The following CCDC88B variants were observed in gnomAD, a reference collection of about 807,000 sequenced individuals.
CCDC88B encodes coiled-coil and HOOK domain protein 88B, also known as coiled-coil domain-containing protein 88B.
In CCDC88B, 138 loss-of-function variants were observed where a neutral mutation model predicts 183.7. That is an observed-to-expected ratio of 0.75 (90% CI 0.65 to 0.87). The LOEUF is 0.87. Ranked by LOEUF, CCDC88B falls within the 40% of genes least tolerant of loss-of-function variation. The probability of loss-of-function intolerance (pLI) is 0.00; values close to 1 mark genes in which losing one functional copy is unlikely to be tolerated. For synonymous variants in CCDC88B, 835 were observed against 867.5 expected (o/e 0.96, Z 0.66); for missense variants, 1,822 against 1,965.6 (o/e 0.93, Z 1.38).
In CCDC88B at chr11:64,353,208, C is replaced by T; in HGVS notation, c.3655C>T (p.Leu1219=). 6.4e-7 allele frequency: 1 copy of T among 1,571,114 alleles called. No individual in the cohort carries two copies. The change falls in exon 21 of 27, where the codon CTG becomes TTG. Residue 1219 remains leucine, a synonymous_variant. Coordinates refer to ENST00000356786, the MANE Select transcript of CCDC88B (RefSeq NM_032251.6). ...GCGCGAGTCCAACCAGCAGCTGGACCTGAGCGCCTGCCGGCTGACCACGCA... is the reference window on the plus strand; with the variant it reads ...GCGCGAGTCCAACCAGCAGCTGGACTTGAGCGCCTGCCGGCTGACCACGCA... ...QLRESNQQLD[L]SACRLTTQCE... is the part of the protein sequence containing the mutation.
In CCDC88B at chr11:64,341,301, T is replaced by C. The variant is rs1474418842; in HGVS notation, c.420T>C (p.Leu140=). 6.2e-7 allele frequency: 1 copy of C among 1,614,100 alleles called. No homozygotes were observed. Among genetic ancestry groups the C allele is most frequent in the South Asian group, 1.1e-5 (1 of 91,072 alleles). Residue 140 remains leucine (L), a synonymous_variant, in exon 5 of 27, where the codon CTT becomes CTC. Transcript: ENST00000356786. The part of the protein sequence containing the change: ...EEAVEQLEGV[L]RLLLGASVQC... The stretch of plus-strand genomic sequence containing the variant: ...CGGTGGAGCAGCTGGAAGGCGTTCT[T>C]CGGCTACTGTTGGGAGCGTCAGTAC...
Position 64,341,030 on chromosome 11 carries a change from C to T in CCDC88B, c.318+12C>T, listed in dbSNP as rs201226302. On this transcript the variant is annotated intron_variant, in intron 3 of 26. Transcript: ENST00000356786. The stretch of plus-strand genomic sequence containing the variant: ...GGGACTTCTACCAGGTAAGGGGTCT[C>T]GAGGGAAAGGCGGAGACAGGAGGGG... The T allele has an allele frequency of 1.1e-5, 17 of 1,612,074 alleles. No homozygotes were observed. The highest frequency in any genetic ancestry group is 3.3e-5 in the Admixed American group (2 of 59,872).
rs1177699718 is a variant in CCDC88B, at chr11:64,345,147, C to A, written c.2606C>A (p.Ala869Asp). Residue 869 changes from alanine (A) to aspartate (D), a missense_variant, in exon 14 of 27, where the codon GCC becomes GAC. Coordinates refer to ENST00000356786, the MANE Select transcript of CCDC88B (RefSeq NM_032251.6). ...EAERERREKE[A>D]LQAELEKAVV... ...GAGAGGGAGCGCCGGGAGAAGGAGGCCCTCCAGGCGGTAGGTCAGGTTGGG... is the reference window on the plus strand; with the variant it reads ...GAGAGGGAGCGCCGGGAGAAGGAGGACCTCCAGGCGGTAGGTCAGGTTGGG... 1 of 1,542,054 alleles carries A rather than the reference C, an allele frequency of 6.5e-7. No homozygotes were observed. The highest frequency in any genetic ancestry group is 1.9e-5 in the Admixed American group (1 of 51,412).
chr11:64,352,799 C>G lies in CCDC88B; in HGVS notation c.3412C>G (p.Leu1138Val). ...ASVEAQEVALLAERERLMQDG... is the reference protein window; with the variant it reads ...ASVEAQEVALVAERERLMQDG... ...CGTGGAGGCACAGGAGGTGGCCCTG[C>G]TGGCAGAGCGTGAACGCCTGATGCA... Residue 1138 changes from leucine (L) to valine (V), a missense_variant, in exon 20 of 27, where the codon CTG becomes GTG. Leu to Val is a conservative substitution (Grantham distance 32). Transcript: ENST00000356786. 6.2e-7 allele frequency: 1 copy of G among 1,613,420 alleles called. No homozygotes were observed. The highest frequency in any genetic ancestry group is 1.1e-5 in the South Asian group (1 of 91,072).
At position 64,343,235 on chromosome 11, in the gene CCDC88B, G is replaced by T; in HGVS notation, c.1119G>T (p.Gln373His). ...LEASKALLEE[Q>H]LEAARERCAR... Reference sequence around the variant, plus strand: ...CGTCCAAGGCGCTGCTGGAAGAGCAGCTGGAGGCTGCCCGAGAGCGCTGCG... The same window carrying T: ...CGTCCAAGGCGCTGCTGGAAGAGCATCTGGAGGCTGCCCGAGAGCGCTGCG... The change falls in exon 11 of 27, where the codon CAG becomes CAT. Residue 373 changes from glutamine to histidine, a missense_variant. Transcript: ENST00000356786. 1 of 1,547,190 alleles carries T rather than the reference G, an allele frequency of 6.5e-7. No homozygotes were observed. Among genetic ancestry groups the T allele is most frequent in the Non-Finnish European group, 8.7e-7 (1 of 1,146,424 alleles).
Position 64,344,073 on chromosome 11 carries a change from T to C in CCDC88B, c.1532T>C (p.Phe511Ser). The C allele has an allele frequency of 6.2e-7, 1 of 1,606,210 alleles. No individual in the cohort carries two copies. The highest frequency in any genetic ancestry group is 8.5e-7 in the Non-Finnish European group (1 of 1,176,262). The stretch of plus-strand genomic sequence containing the variant: ...GAGGCTCCCCAGACTCCTGTGGCCT[T>C]CGACCACAGCCCTCAGGGCTTGGTT... ...LEEAPQTPVA[F>S]DHSPQGLVQK... Residue 511 changes from phenylalanine to serine, a missense_variant, in exon 14 of 27, where the codon TTC becomes TCC. Coordinates refer to ENST00000356786, the MANE Select transcript of CCDC88B (RefSeq NM_032251.6). This position sits in a 1 kb window ranked among gnomAD's most constrained non-coding sequence, Gnocchi z 4.5.
Position 64,340,336 on chromosome 11 carries a change from C to A in CCDC88B, c.60+10C>A. The A allele has an allele frequency of 7.7e-7, 1 of 1,293,832 alleles. No homozygotes were observed. Among genetic ancestry groups the A allele is most frequent in the Non-Finnish European group, 9.9e-7 (1 of 1,011,656 alleles). 80.1% of individuals were successfully genotyped at this position (1,293,832 alleles called of 1,614,324 possible). A position where few individuals can be genotyped will look rare whatever the true frequency, so the allele number is the denominator to read the frequency against. On this transcript the variant is annotated intron_variant, in intron 1 of 26. Transcript: ENST00000356786. Reference sequence around the variant, plus strand: ...GAGTCTGGCTACCTGGGTGAGGGGGCAGGTGGCAGCGGGTTGGGGAGGGGA... The same window carrying A: ...GAGTCTGGCTACCTGGGTGAGGGGGAAGGTGGCAGCGGGTTGGGGAGGGGA...
chr11:64,348,427 C>T (rs1164815006), intron 14 of CCDC88B, among the ~76,000 whole-genome samples: 1 of 151,502 alleles, frequency 6.6e-6, no homozygotes, highest in African/African-American at 2.4e-5. Context: ...GAGGGCAGGG[C>T]AGGGGCTGGG....
chr11:64,343,196 G>T lies in CCDC88B; in HGVS notation c.1080G>T (p.Ser360=), dbSNP rs574835. 1 of 1,537,068 alleles carries T rather than the reference G, an allele frequency of 6.5e-7. No homozygotes were observed. The highest frequency in any genetic ancestry group is 8.8e-7 in the Non-Finnish European group (1 of 1,141,054). ...CCCACCAGGAGGAGCGGGTGCTCTC[G>T]GGGGTGCTGGAGGCGTCCAAGGCGC... ...KSQLEEERVL[S]GVLEASKALL... Residue 360 remains serine (S), a synonymous_variant, in exon 11 of 27, where the codon TCG becomes TCT. Transcript: ENST00000356786.
intron 14 of CCDC88B, among the ~76,000 whole-genome samples, chr11:64,348,479 GC>G (rs2036204425): frequency 6.6e-6 from 1 of 152,184 alleles, no homozygotes; most frequent in Non-Finnish European, 1.5e-5. Context: ...CAGTACTTGC[GC>G]TAGTGGCTGT....
At chr11:64,350,775 C>G (rs944261895) in intron 16 of CCDC88B, 8 of 162,190 alleles carry the variant, frequency 4.9e-5, no homozygotes, top group Non-Finnish European at 9.3e-5. Flanking sequence ...GAGGCTAAGG[C>G]AGGAGAATTG....
At chr11:64,355,729 C>A in intron 26 of CCDC88B, 101 bp downstream of exon 26, 1 of 1,188,550 alleles carries the variant, frequency 8.4e-7, no homozygotes, top group Non-Finnish European at 1.2e-6. Context: ...GATCCTTTAC[C>A]AAGTGCCAGG....
chr11:64,345,247 G>GGC, intron 14 of CCDC88B, 90 bp downstream of exon 14: 1 of 1,403,654 alleles, frequency 7.1e-7, no homozygotes, highest in Non-Finnish European at 9.6e-7. Context: ...TGTTCAGTGG[G>GGC]TGCCCAGCAC....
intron 13 of CCDC88B, 31 bp from the exon 14 acceptor site, chr11:64,343,966 G>A (rs1307608890): frequency 1.9e-6 from 3 of 1,563,164 alleles, no homozygotes; most frequent in South Asian, 2.4e-5. Flanking sequence ...GTCCCTCCCT[G>A]GGCCTGACTG....
At chr11:64,350,954 C>T (rs1336577011) in intron 16 of CCDC88B, among the ~76,000 whole-genome samples, 1 of 152,152 alleles carries the variant, frequency 6.6e-6, no homozygotes, top group Non-Finnish European at 1.5e-5. Flanking sequence ...CGCAGAGAGA[C>T]AGAAGTTGAG....
At chr11:64,346,509 C>T (rs560800821) in intron 14 of CCDC88B, among the ~76,000 whole-genome samples, 7 of 151,278 alleles carry the variant, frequency 4.6e-5, no homozygotes, top group African/African-American at 1.2e-4. Flanking sequence ...GGTGCTATCT[C>T]GGCTCACTGC....
chr11:64,341,712 G>A lies in CCDC88B; in HGVS notation c.645G>A (p.Lys215=). 6.3e-7 allele frequency: 1 copy of A among 1,589,716 alleles called. No homozygotes were observed. Residue 215 remains lysine, a synonymous_variant, in exon 7 of 27, where the codon AAG becomes AAA. Coordinates refer to ENST00000356786, the MANE Select transcript of CCDC88B (RefSeq NM_032251.6). The stretch of plus-strand genomic sequence containing the variant: ...GGAGCCTGATGGGGACACTGTCGAA[G>A]CTGGCACGGGAGCGTGACCTGGGGG... ...LSRSLMGTLS[K]LARERDLGAQ...
chr11:64,343,926 C>T lies in CCDC88B; in HGVS notation c.1455+12C>T, dbSNP rs1468236565. 2 of 1,589,750 alleles carry T rather than the reference C, an allele frequency of 1.3e-6. No homozygotes were observed. The highest frequency in any genetic ancestry group is 1.7e-6 in the Non-Finnish European group (2 of 1,167,370). The stretch of plus-strand genomic sequence containing the variant: ...AGCCAGGGGGCCAGGTAAGTCCCCT[C>T]CCCCAGGGTCCTGGCCGGCCCTTCC... On this transcript the variant is annotated intron_variant, in intron 13 of 26. Transcript: ENST00000356786.
intron 6 of CCDC88B, 45 bp downstream of exon 6, chr11:64,341,549 C>A: frequency 1.2e-6 from 2 of 1,611,332 alleles, no homozygotes; most frequent in East Asian, 4.5e-5. Flanking sequence ...GCACCTGGGA[C>A]GCCCTTGCCA....
Sources: allele counts gnomAD v4.1 joint callset (sites outside exome capture counted in the v4.1 genomes callset), GRCh38; gene constraint gnomAD v4.1.1; non-coding constraint Gnocchi (gnomAD v3.1); transcripts MANE v1.5; gene names NCBI Gene and HGNC (gene_info 2026-07-23, HGNC 2026-07-21).